The following NFATC1 variants were observed in gnomAD, a reference collection of about 807,000 sequenced individuals.
NFATC1 encodes nuclear factor of activated T cells 1, also known as nuclear factor of activated T-cells, cytoplasmic 1.
Under a neutral mutation model 76.0 loss-of-function variants are expected in NFATC1, and 22 were observed. The observed-to-expected ratio is 0.29, with a 90% CI of 0.21 to 0.41. NFATC1 has a LOEUF of 0.41. NFATC1 is among the 10% of genes least tolerant of loss of function. The probability of loss-of-function intolerance (pLI) is 1.00; values close to 1 mark genes in which losing one functional copy is unlikely to be tolerated. For missense variants in NFATC1, 1,357 were observed against 1,337.7 expected (o/e 1.01, Z -0.23); for synonymous variants, 704 against 613.1 (o/e 1.15, Z -2.19).
At chr18:79,461,517 A>G in intron 7 of NFATC1, 151 bp downstream of exon 7, 1 of 527,364 alleles carries the variant, frequency 1.9e-6, no homozygotes, top group Non-Finnish European at 3.0e-6. Flanking sequence ...ATAGAGTAAC[A>G]GAACCAGTAA....
In NFATC1 at chr18:79,410,989, C is replaced by T; in HGVS notation, c.714C>T (p.Pro238=). Residue 238 remains proline, a synonymous_variant, in exon 2 of 10, where the codon CCC becomes CCT. Transcript: ENST00000427363. The surrounding 1 kb of genome is among the most constrained non-coding windows in gnomAD (Gnocchi z 6.7). ...CTLLGSPRHS[P]STSPRASVTE... is the part of the protein sequence containing the mutation. ...TGCTGGGTTCCCCGCGGCACTCCCCCTCCACCTCGCCCCGCGCCAGCGTCA... is the reference window on the plus strand; with the variant it reads ...TGCTGGGTTCCCCGCGGCACTCCCCTTCCACCTCGCCCCGCGCCAGCGTCA... 1 of 1,607,086 alleles carries T rather than the reference C, an allele frequency of 6.2e-7. No individual in the cohort carries two copies. The highest frequency in any genetic ancestry group is 8.5e-7 in the Non-Finnish European group (1 of 1,177,108).
intron 9 of NFATC1, among the ~76,000 whole-genome samples, chr18:79,517,243 G>A (rs2090405616): frequency 6.6e-6 from 1 of 152,206 alleles, no homozygotes; most frequent in African/African-American, 2.4e-5. Flanking sequence ...ACTAACTTTA[G>A]CTAAAGGTGT....
intron 1 of NFATC1, chr18:79,400,364 T>TGCCG: frequency 3.4e-6 from 4 of 1,185,418 alleles, no homozygotes; most frequent in Non-Finnish European, 4.3e-6. Context: ...CGACCCCGGC[T>TGCCG]CCCGCCCCGG....
chr18:79,472,411 C>T (rs2088824973), intron 8 of NFATC1, among the ~76,000 whole-genome samples: 1 of 152,216 alleles, frequency 6.6e-6, no homozygotes, highest in African/African-American at 2.4e-5. Flanking sequence ...CCTCCATGCC[C>T]TTCTGCTCAG....
chr18:79,400,305 C>A, intron 1 of NFATC1: 3 of 1,281,708 alleles, frequency 2.3e-6, no homozygotes, highest in Non-Finnish European at 3.0e-6. Context: ...GGTCACGTTA[C>A]GCGGAGGACG....
intron 7 of NFATC1, among the ~76,000 whole-genome samples, chr18:79,464,710 A>ATATATT (rs1568994866): frequency 6.5e-5 from 6 of 92,030 alleles, no homozygotes; most frequent in African/African-American, 2.7e-4. Flanking sequence ...TTATTTATTT[A>ATATATT]TTTTTTTTTT....
At chr18:79,507,910 G>A (rs1461846061) in intron 9 of NFATC1, among the ~76,000 whole-genome samples, 6 of 152,238 alleles carry the variant, frequency 3.9e-5, no homozygotes, top group African/African-American at 1.4e-4. Context: ...GGGGGCCGTC[G>A]CTCTGGCCGG....
At chr18:79,433,509 G>A in intron 2 of NFATC1, 70 bp from the exon 3 acceptor site, 2 of 1,589,156 alleles carry the variant, frequency 1.3e-6, no homozygotes, top group South Asian at 1.1e-5. Flanking sequence ...CGACGGGTGA[G>A]CACGGGCACG....
chr18:79,526,276 C>T (rs138358557), intron 9 of NFATC1, among the ~76,000 whole-genome samples: 144 of 152,368 alleles, frequency 9.5e-4, no homozygotes, highest in Non-Finnish European at 1.4e-3. Context: ...GGCGGGAGCC[C>T]GGGCTCCTTC....
intron 8 of NFATC1, among the ~76,000 whole-genome samples, chr18:79,473,243 G>A (rs566197891): frequency 5.3e-5 from 8 of 152,362 alleles, no homozygotes; most frequent in East Asian, 1.9e-4. Flanking sequence ...TGTGAACAGC[G>A]GCCTGTGGGC....
intron 8 of NFATC1, chr18:79,469,044 C>A (rs1035491831): frequency 6.9e-6 from 1 of 145,126 alleles, no homozygotes; most frequent in Non-Finnish European, 1.5e-5. Flanking sequence ...CGCTCTGGGA[C>A]CCCCGGGATT....
intron 9 of NFATC1, chr18:79,496,000 C>G (rs985600186): frequency 6.6e-6 from 1 of 152,248 alleles, no homozygotes; most frequent in African/African-American, 2.4e-5. Context: ...AAGCCGTGAA[C>G]AGTAGTAAGG....
Position 79,524,775 on chromosome 18 carries a change from A to C in NFATC1, c.2783-2753A>C, listed in dbSNP as rs1415048123. Among the ~76,000 whole-genome samples, 1 of 151,802 alleles carries C rather than the reference A, an allele frequency of 6.6e-6. No individual in the cohort carries two copies. Among genetic ancestry groups the C allele is most frequent in the Non-Finnish European group, 1.5e-5 (1 of 67,910 alleles). ...ACACCGAGGAACTTTCCGCCCCCCG[A>C]CGGGCTCTCCCACCGAGGCTCAGGT... On this transcript the variant is annotated intron_variant, in intron 9 of 9. Transcript: ENST00000427363. The surrounding 1 kb of genome is among the most constrained non-coding windows in gnomAD (Gnocchi z 7.2).
rs1398131296 is a variant in NFATC1 at position 79,524,615 on chromosome 18, TGGCTCCTTA to T, written c.2783-2909_2783-2901del. The stretch of plus-strand genomic sequence containing the variant: ...GCAGGAGTGAGGTGCAGGCTGCCGC[TGGCTCCTTA>T]GGCCTCGACAGCTCTCTTGAGGTCG... On this transcript the variant is annotated intron_variant, in intron 9 of 9. Transcript: ENST00000427363. This position sits in a 1 kb window ranked among gnomAD's most constrained non-coding sequence, Gnocchi z 7.2. Among the ~76,000 whole-genome samples the T allele has an allele frequency of 6.6e-6, 1 of 152,174 alleles. No homozygotes were observed. Among genetic ancestry groups the T allele is most frequent in the African/African-American group, 2.4e-5 (1 of 41,444 alleles).
chr18:79,487,594 C>T (rs573496775), intron 9 of NFATC1, among the ~76,000 whole-genome samples: 43 of 152,356 alleles, frequency 2.8e-4, no homozygotes, highest in Admixed American at 2.4e-3. Context: ...AGTGGCCTCA[C>T]GTCTGTAGCC....
At chr18:79,509,688 G>A (rs964918629) in intron 9 of NFATC1, among the ~76,000 whole-genome samples, 71 of 152,338 alleles carry the variant, frequency 4.7e-4, no homozygotes, top group African/African-American at 1.6e-3. Context: ...GTTCTGGAAG[G>A]TGCCGGCACA....
At chr18:79,456,867 T>A (rs1252250374) in intron 6 of NFATC1, among the ~76,000 whole-genome samples, 1 of 152,142 alleles carries the variant, frequency 6.6e-6, no homozygotes, top group Non-Finnish European at 1.5e-5. Flanking sequence ...AGCTGGGAAT[T>A]CCCAGCTCCA....
chr18:79,472,158 G>A (rs1182929234), intron 8 of NFATC1, among the ~76,000 whole-genome samples: 2 of 152,124 alleles, frequency 1.3e-5, no homozygotes, highest in Non-Finnish European at 2.9e-5. Context: ...CCGTGGGGGG[G>A]CGGGGGGCGG....
rs1054325229 is a variant in NFATC1 at position 79,528,931 on chromosome 18, C to T, written c.*1354C>T. The T allele has an allele frequency of 6.6e-6, 1 of 152,622 alleles. No homozygotes were observed. Among genetic ancestry groups the T allele is most frequent in the African/African-American group, 2.4e-5 (1 of 41,444 alleles). The allele number at this position is 152,622 out of a possible 1,614,324, so 9.5% of individuals were successfully genotyped here. A position where few individuals can be genotyped will look rare whatever the true frequency, so the allele number is the denominator to read the frequency against. ...CATTGAAACACGGTTGACCTGAACT[C>T]GTGCCTTAGGAATTAATGCCCCCTT... On this transcript the variant is annotated 3_prime_UTR_variant, in exon 10 of 10. Coordinates refer to ENST00000427363, the MANE Select transcript of NFATC1 (RefSeq NM_001278669.2).
Sources: allele counts gnomAD v4.1 joint callset (sites outside exome capture counted in the v4.1 genomes callset), GRCh38; gene constraint gnomAD v4.1.1; non-coding constraint Gnocchi (gnomAD v3.1); transcripts MANE v1.5; gene names NCBI Gene and HGNC (gene_info 2026-07-23, HGNC 2026-07-21).